The following FBXO25 variants were observed in gnomAD, a reference collection of about 807,000 sequenced individuals.
The protein encoded by FBXO25 is F-box protein 25.
FBXO25 carries 45 observed loss-of-function variants against 51.9 expected under a neutral mutation model. The observed-to-expected ratio is 0.87, with a 90% CI of 0.68 to 1.11. FBXO25 has a LOEUF of 1.11. Among genes scored for constraint, FBXO25 ranks in the 50% most tolerant of loss-of-function variants. The pLI, the probability that FBXO25 is intolerant of heterozygous loss-of-function variation, is 0.00. For missense variants in FBXO25, 507 were observed against 428.5 expected, an observed-to-expected ratio of 1.18 and a Z score of -1.62; for synonymous variants, 199 against 151.0, an observed-to-expected ratio of 1.32 and a Z score of -2.33.
At chr8:442,900 G>C (rs1269101115) in intron 5 of FBXO25, among the ~76,000 whole-genome samples, 1 of 152,166 alleles carries the variant, frequency 6.6e-6, no homozygotes, top group Non-Finnish European at 1.5e-5. Context: ...CCAAGAATTG[G>C]TTGTAGGCTA....
intron 7 of FBXO25, among the ~76,000 whole-genome samples, chr8:452,988 C>T (rs1585079876): frequency 1.3e-5 from 2 of 152,304 alleles, no homozygotes; most frequent in Non-Finnish European, 2.9e-5. Flanking sequence ...GTGGCCCCAG[C>T]TTGCCCCACT....
At chr8:460,814 T>C (rs1343331335) in intron 8 of FBXO25, among the ~76,000 whole-genome samples, 1 of 152,270 alleles carries the variant, frequency 6.6e-6, no homozygotes, top group Non-Finnish European at 1.5e-5. Context: ...ATGAACAGGC[T>C]GATAACGACT....
rs1800508560 is a variant in FBXO25, at chr8:472,282, TC to T, written c.*3479del. 6.6e-6 allele frequency: 1 copy of T among 152,224 alleles called. No individual in the cohort carries two copies. Among genetic ancestry groups the T allele is most frequent in the Non-Finnish European group, 1.5e-5 (1 of 68,044 alleles). The allele number at this position is 152,224 out of a possible 1,614,324, so 9.4% of individuals were successfully genotyped here. A position where few individuals can be genotyped will look rare whatever the true frequency, so the allele number is the denominator to read the frequency against. The stretch of plus-strand genomic sequence containing the variant: ...TTATCGTGAAAGGGTGTGGATTTTG[TC>T]AAATGCTTTTTCTGCATCTCTTAAG... On this transcript the variant is annotated 3_prime_UTR_variant, in exon 10 of 10. Coordinates refer to ENST00000350302, the MANE Select transcript of FBXO25 (RefSeq NM_183420.2).
In FBXO25 at chr8:472,426, C is replaced by G. The variant is rs1292976766; in HGVS notation, c.*3622C>G. 1 of 152,196 alleles carries G rather than the reference C, an allele frequency of 6.6e-6. No homozygotes were observed. Among genetic ancestry groups the G allele is most frequent in the Non-Finnish European group, 1.5e-5 (1 of 68,048 alleles). 9.4% of individuals were successfully genotyped at this position (152,196 alleles called of 1,614,324 possible). A position where few individuals can be genotyped will look rare whatever the true frequency, so the allele number is the denominator to read the frequency against. On this transcript the variant is annotated 3_prime_UTR_variant, in exon 10 of 10. Transcript: ENST00000350302. ...GCCCACTAAGTCATGGTTTATGATA[C>G]CTTTTATACATAGCTGTTAGATTTG...
At chr8:433,204 T>C (rs1427355486) in intron 4 of FBXO25, among the ~76,000 whole-genome samples, 2 of 152,140 alleles carry the variant, frequency 1.3e-5, no homozygotes, top group Non-Finnish European at 2.9e-5. Flanking sequence ...GTGTGTGGTA[T>C]ATATGGTGTG....
intron 5 of FBXO25, among the ~76,000 whole-genome samples, chr8:440,106 C>T (rs1257639163): frequency 1.3e-5 from 2 of 152,130 alleles, no homozygotes; most frequent in Admixed American, 1.3e-4. Context: ...GAGGGTGAGG[C>T]AGGGAGGGAG....
intron 2 of FBXO25, among the ~76,000 whole-genome samples, chr8:424,455 G>A (rs993918252): frequency 6.6e-6 from 1 of 152,146 alleles, no homozygotes; most frequent in Non-Finnish European, 1.5e-5. Context: ...ACGTCAAGAA[G>A]AGTATTTCCT....
rs747562890 is a variant in FBXO25 at position 451,426 on chromosome 8, A to G, written c.633A>G (p.Gln211=). The G allele has an allele frequency of 2.5e-6, 4 of 1,613,794 alleles. No individual in the cohort carries two copies. Among genetic ancestry groups the G allele is most frequent in the East Asian group, 2.2e-5 (1 of 44,878 alleles). ...CRLETILAWQ[Q]QLQDLQMTKQ... ...TAGAAACTATTCTCGCCTGGCAACA[A>G]CAGCTACAGGATCTTCAGATGACTA... is the stretch of plus-strand genomic sequence containing the variant. Residue 211 remains glutamine, a synonymous_variant, in exon 7 of 10, where the codon CAA becomes CAG. Transcript: ENST00000350302.
rs1800380753 is a variant in FBXO25 at position 469,056 on chromosome 8, C to CTT, written c.*253_*254insTT. The CTT allele has an allele frequency of 7.6e-6, 3 of 394,122 alleles. No homozygotes were observed. Among genetic ancestry groups the CTT allele is most frequent in the Non-Finnish European group, 1.3e-5 (3 of 224,670 alleles). The allele number at this position is 394,122 out of a possible 1,614,324, so 24.4% of individuals were successfully genotyped here. A position where few individuals can be genotyped will look rare whatever the true frequency, so the allele number is the denominator to read the frequency against. ...ATATTAAAATGTGAAATTTTGCGTACTCTCTCTCTCTATATATATAGTTCA... is the reference window on the plus strand; with the variant it reads ...ATATTAAAATGTGAAATTTTGCGTACTTTCTCTCTCTCTATATATATAGTTCA... On this transcript the variant is annotated 3_prime_UTR_variant, in exon 10 of 10. Coordinates refer to ENST00000350302, the MANE Select transcript of FBXO25 (RefSeq NM_183420.2).
At position 471,032 on chromosome 8, in the gene FBXO25, C is replaced by G; in HGVS notation, c.*2228C>G. On this transcript the variant is annotated 3_prime_UTR_variant, in exon 10 of 10. Transcript: ENST00000350302. ...TGTTAGATGTTATAACAGTTCTCAG[C>G]TGTGCTATCAAATCACAGATGTGCA... 1 of 152,198 alleles carries G rather than the reference C, an allele frequency of 6.6e-6. No homozygotes were observed. Among genetic ancestry groups the G allele is most frequent in the Non-Finnish European group, 1.5e-5 (1 of 68,044 alleles). 9.4% of individuals were successfully genotyped at this position (152,198 alleles called of 1,614,324 possible).
chr8:433,811 C>A (rs1263453874), intron 4 of FBXO25, among the ~76,000 whole-genome samples: 1 of 152,120 alleles, frequency 6.6e-6, no homozygotes, highest in Non-Finnish European at 1.5e-5. Context: ...TTCCAAGAAA[C>A]TGAAGGATTA....
chr8:416,081 T>G (rs1796782231), intron 2 of FBXO25, among the ~76,000 whole-genome samples: 1 of 152,174 alleles, frequency 6.6e-6, no homozygotes, highest in South Asian at 2.1e-4. Context: ...ACCCACTCAT[T>G]TATTTGCTTT....
Position 414,241 on chromosome 8 carries a change from T to C in FBXO25, c.134+1028T>C, listed in dbSNP as rs1796660275. ...CTAAGATGTATTTAATGTTGATAGC[T>C]GTAAAACTTATTTAAAGCTTGTAAT... is the stretch of plus-strand genomic sequence containing the variant. On this transcript the variant is annotated intron_variant, in intron 2 of 9. Coordinates refer to ENST00000350302, the MANE Select transcript of FBXO25 (RefSeq NM_183420.2). 2.0e-5 allele frequency among the ~76,000 whole-genome samples: 3 copies of C among 152,354 alleles called. No individual in the cohort carries two copies. In the South Asian group the frequency reaches 6.2e-4, roughly 32 times the overall value.
intron 2 of FBXO25, among the ~76,000 whole-genome samples, chr8:425,798 C>G (rs1374395994): frequency 1.3e-5 from 2 of 151,626 alleles, no homozygotes; most frequent in Admixed American, 6.6e-5. Flanking sequence ...ATAGGTGAGC[C>G]AAGTCCATTT....
At chr8:447,623 G>C (rs1170476329) in intron 5 of FBXO25, among the ~76,000 whole-genome samples, 2 of 152,166 alleles carry the variant, frequency 1.3e-5, no homozygotes, top group Admixed American at 6.5e-5. Flanking sequence ...GATTTTTTCA[G>C]ATTTTGTAAT....
chr8:435,514 G>A, intron 4 of FBXO25, 101 bp from the exon 5 acceptor site: 1 of 1,172,938 alleles, frequency 8.5e-7, no homozygotes. Flanking sequence ...AAAACAAATT[G>A]TCCTTTGCCA....
intron 1 of FBXO25, among the ~76,000 whole-genome samples, chr8:409,716 G>T (rs1350069776): frequency 6.6e-6 from 1 of 152,208 alleles, no homozygotes; most frequent in Non-Finnish European, 1.5e-5. Flanking sequence ...ATAAGGTTCT[G>T]TTGGCAAGAT....
chr8:456,019 T>G (rs1290639887), intron 7 of FBXO25, among the ~76,000 whole-genome samples: 2 of 152,196 alleles, frequency 1.3e-5, no homozygotes, highest in Non-Finnish European at 1.5e-5. Context: ...TTCTTCGTAC[T>G]ACCTTCATAC....
At chr8:458,317 G>C (rs1785548666) in intron 7 of FBXO25, 52 bp from the exon 8 acceptor site, 1 of 1,577,316 alleles carries the variant, frequency 6.3e-7, no homozygotes, top group South Asian at 1.2e-5. Flanking sequence ...GTTACTGTGT[G>C]AACAAACATT....
Sources: gnomAD v4.1 joint callset for allele counts (sites outside exome capture counted in the v4.1 genomes callset) on GRCh38, gnomAD v4.1.1 for gene constraint, MANE v1.5 for transcripts, NCBI Gene and HGNC (gene_info 2026-07-23, HGNC 2026-07-21) for gene names.